The following DTX4 variants were observed in gnomAD, a reference collection of about 807,000 sequenced individuals.
The protein encoded by DTX4 is E3 ubiquitin-protein ligase DTX4.
In DTX4, 28 loss-of-function variants were observed where a neutral mutation model predicts 57.6. That is an observed-to-expected ratio of 0.49 (90% CI 0.36 to 0.67). DTX4 has a LOEUF of 0.67. Among genes scored for constraint, DTX4 ranks in the 30% least tolerant of loss-of-function variants. The pLI is 0.00. For missense variants in DTX4, 715 were observed against 836.8 expected (o/e 0.85, Z 1.80); for synonymous variants, 316 against 331.0 (o/e 0.95, Z 0.49).
chr11:59,199,309 A>G (rs1862712503), intron 7 of DTX4, among the ~76,000 whole-genome samples: 1 of 152,242 alleles, frequency 6.6e-6, no homozygotes, highest in Admixed American at 6.5e-5. Flanking sequence ...ACAATAGATG[A>G]TGAAGATGAT....
Position 59,192,235 on chromosome 11 carries a change from C to T in DTX4, c.1359C>T (p.Tyr453=), listed in dbSNP as rs376347977. Residue 453 remains tyrosine (Y), a synonymous_variant, in exon 6 of 9, where the codon TAC becomes TAT. Coordinates refer to ENST00000227451, the MANE Select transcript of DTX4 (RefSeq NM_015177.2). ...VYHIYCLVAM[Y]NNGNKDGSLQ... is the part of the protein sequence containing the mutation. The stretch of plus-strand genomic sequence containing the variant: ...ACATCTACTGCTTGGTTGCCATGTA[C>T]AACAATGGGAACAAGGTCAGTGCCA... 47 of 1,613,950 alleles carry T rather than the reference C, an allele frequency of 2.9e-5. No homozygotes were observed. The Middle Eastern group carries it at 6.6e-4, about 23-fold the overall frequency.
At chr11:59,189,028 A>G in intron 3 of DTX4, 134 bp from the exon 4 acceptor site, 1 of 1,126,718 alleles carries the variant, frequency 8.9e-7, no homozygotes, top group Non-Finnish European at 1.3e-6. Flanking sequence ...GGGAAAGTAC[A>G]GGGTAGAGAA....
At chr11:59,191,309 G>T in intron 5 of DTX4, 134 bp downstream of exon 5, 1 of 844,022 alleles carries the variant, frequency 1.2e-6, no homozygotes, top group Non-Finnish European at 1.8e-6. Flanking sequence ...GGTCAGAACT[G>T]ACACTGAGGG....
chr11:59,186,813 T>A (rs1437732332), intron 2 of DTX4, among the ~76,000 whole-genome samples: 1 of 152,236 alleles, frequency 6.6e-6, no homozygotes, highest in Non-Finnish European at 1.5e-5. Context: ...ATTCTTCTTT[T>A]CTTGGCCCAG....
At chr11:59,191,390 G>T (rs558563159) in intron 5 of DTX4, among the ~76,000 whole-genome samples, 39 of 152,312 alleles carry the variant, frequency 2.6e-4, no homozygotes, top group African/African-American at 9.4e-4. Context: ...CATAGTGCTG[G>T]TTGTTTTTAA....
At chr11:59,194,966 G>A (rs772725979) in intron 6 of DTX4, 52 of 543,712 alleles carry the variant, frequency 9.6e-5, no homozygotes, top group Non-Finnish European at 1.4e-4. Context: ...AGGGACAGGG[G>A]CTTCTCTTAC....
At chr11:59,173,697 T>C (rs1862358580) in intron 1 of DTX4, among the ~76,000 whole-genome samples, 1 of 152,118 alleles carries the variant, frequency 6.6e-6, no homozygotes, top group Admixed American at 6.5e-5. Context: ...GTTGTCACTG[T>C]AGCCAGCACA....
chr11:59,195,290 A>G lies in DTX4; in HGVS notation c.1457A>G (p.His486Arg), dbSNP rs1862650223. 2 of 1,613,292 alleles carry G rather than the reference A, an allele frequency of 1.2e-6. No individual in the cohort carries two copies. Among genetic ancestry groups the G allele is most frequent in the Non-Finnish European group, 1.7e-6 (2 of 1,179,584 alleles). The change falls in exon 7 of 9, where the codon CAC (histidine) becomes CGC (arginine). Residue 486 changes from histidine to arginine, a missense_variant. Coordinates refer to ENST00000227451, the MANE Select transcript of DTX4 (RefSeq NM_015177.2). ...CAACCTCCAGGGAAGATGGAGTACC[A>G]CCTCATCCCCCACTCCTTGCCTGGC... Reference protein sequence around the residue: ...GTQPPGKMEYHLIPHSLPGHP... With the variant: ...GTQPPGKMEYRLIPHSLPGHP...
chr11:59,207,384 G>C lies in DTX4; in HGVS notation c.*2475G>C, dbSNP rs1056309876. ...CATACCTTCAAGCCTTTTCCCCTGG[G>C]CTTTTGATTGTGTCTGTGCCCCCTT... On this transcript the variant is annotated 3_prime_UTR_variant, in exon 9 of 9. Coordinates refer to ENST00000227451, the MANE Select transcript of DTX4 (RefSeq NM_015177.2). 1.3e-5 allele frequency: 2 copies of C among 152,378 alleles called. No homozygotes were observed. Among genetic ancestry groups the C allele is most frequent in the African/African-American group, 2.4e-5 (1 of 41,444 alleles). 9.4% of individuals were successfully genotyped at this position (152,378 alleles called of 1,614,324 possible). A position where few individuals can be genotyped will look rare whatever the true frequency, so the allele number is the denominator to read the frequency against.
intron 2 of DTX4, among the ~76,000 whole-genome samples, chr11:59,183,490 C>T (rs901259234): frequency 6.6e-6 from 1 of 152,104 alleles, no homozygotes; most frequent in Non-Finnish European, 1.5e-5. Flanking sequence ...CCTGCCAGCC[C>T]CTGGTTTCTT....
In DTX4 at chr11:59,188,800, A is replaced by G; in HGVS notation, c.997+4A>G. ...CCTGTCAACCCTGCCTTGGCAGGTA[A>G]GAGAAACCCCAGGATGCTCTGGGTT... On this transcript the variant is annotated splice_donor_region_variant and intron_variant, in intron 3 of 8. Transcript: ENST00000227451. The G allele has an allele frequency of 6.2e-7, 1 of 1,613,230 alleles. No homozygotes were observed.
chr11:59,175,596 G>A (rs1590977672), intron 1 of DTX4, among the ~76,000 whole-genome samples: 1 of 152,188 alleles, frequency 6.6e-6, no homozygotes, highest in South Asian at 2.1e-4. Context: ...GAGATGGGGT[G>A]AGATAGATGG....
chr11:59,176,037 C>T (rs753622710), intron 1 of DTX4, among the ~76,000 whole-genome samples: 1 of 152,124 alleles, frequency 6.6e-6, no homozygotes, highest in Non-Finnish European at 1.5e-5. Flanking sequence ...GGTAAAGGAG[C>T]GTTCTTTCCA....
Position 59,199,707 on chromosome 11 carries a change from G to A in DTX4, c.1560G>A (p.Gly520=), listed in dbSNP as rs758839897. 11 of 1,578,034 alleles carry A rather than the reference G, an allele frequency of 7.0e-6. No individual in the cohort carries two copies. In the South Asian group the frequency reaches 1.3e-4, roughly 18 times the overall value. The stretch of plus-strand genomic sequence containing the variant: ...AGGGACCGGAACACCCGAATCCTGG[G>A]AAGAGTTTCAGCGCCCGAGGCTTCC... ...GIQGPEHPNP[G]KSFSARGFPR... is the part of the protein sequence containing the mutation. The change falls in exon 8 of 9, where the codon GGG becomes GGA. Residue 520 remains glycine (G), a synonymous_variant. Transcript: ENST00000227451.
chr11:59,201,374 G>T (rs1056792264), intron 8 of DTX4, among the ~76,000 whole-genome samples: 2 of 152,210 alleles, frequency 1.3e-5, no homozygotes, highest in African/African-American at 4.8e-5. Context: ...CTGTTCTGCA[G>T]GCCAGGTGGA....
chr11:59,188,840 A>G, intron 3 of DTX4, 44 bp downstream of exon 3: 3 of 1,537,134 alleles, frequency 2.0e-6, no homozygotes, highest in Non-Finnish European at 2.7e-6. Context: ...TAGAGAAATC[A>G]GAGTGATGAA....
Position 59,182,355 on chromosome 11 carries a change from T to C in DTX4, c.828T>C (p.Ser276=). ...PTGTTMGSPA[S]PPGPNSKTGR... ...GGACAACCATGGGCTCTCCTGCCAG[T>C]CCCCCAGGACCCAACAGCAAGACCG... The change falls in exon 2 of 9, where the codon AGT becomes AGC. Residue 276 remains serine (S), a synonymous_variant. Coordinates refer to ENST00000227451, the MANE Select transcript of DTX4 (RefSeq NM_015177.2). 1 of 1,613,490 alleles carries C rather than the reference T, an allele frequency of 6.2e-7. No homozygotes were observed. Among genetic ancestry groups the C allele is most frequent in the Non-Finnish European group, 8.5e-7 (1 of 1,179,818 alleles).
chr11:59,172,210 C>G lies in DTX4; in HGVS notation c.-386C>G, dbSNP rs1862333055. ...GGCGCAACTGGTGCGAGGGCTGGGTCCTTGCCTCGCCGTCAGCCCCAGCTC... is the reference window on the plus strand; with the variant it reads ...GGCGCAACTGGTGCGAGGGCTGGGTGCTTGCCTCGCCGTCAGCCCCAGCTC... On this transcript the variant is annotated 5_prime_UTR_variant, in exon 1 of 9. Coordinates refer to ENST00000227451, the MANE Select transcript of DTX4 (RefSeq NM_015177.2). Among the ~76,000 whole-genome samples, 1 of 152,110 alleles carries G rather than the reference C, an allele frequency of 6.6e-6. No individual in the cohort carries two copies. The highest frequency in any genetic ancestry group is 1.5e-5 in the Non-Finnish European group (1 of 67,980).
intron 1 of DTX4, among the ~76,000 whole-genome samples, chr11:59,179,498 C>T (rs1590979439): frequency 6.6e-6 from 1 of 152,212 alleles, no homozygotes; most frequent in East Asian, 1.9e-4. Context: ...ACAGCCTGCC[C>T]CTCCCCTATT....
Sources: allele counts gnomAD v4.1 joint callset (sites outside exome capture counted in the v4.1 genomes callset), GRCh38; gene constraint gnomAD v4.1.1; transcripts MANE v1.5; gene names NCBI Gene and HGNC (gene_info 2026-07-23, HGNC 2026-07-21).